The following HAUS8 variants were observed in gnomAD, a reference collection of about 807,000 sequenced individuals.
HAUS8 encodes the protein HAUS augmin-like complex subunit 8.
HAUS8 carries 38 observed loss-of-function variants against 42.9 expected under a neutral mutation model. That is an observed-to-expected ratio of 0.89 (90% CI 0.68 to 1.16). The LOEUF (loss-of-function observed/expected upper bound fraction) is 1.16, where lower values mean the gene tolerates loss of function less well. Ranked by LOEUF, HAUS8 falls within the 50% of genes most tolerant of loss-of-function variation. The pLI, the probability that HAUS8 is intolerant of heterozygous loss-of-function variation, is 0.00. For synonymous variants in HAUS8, 199 were observed against 205.8 expected, an observed-to-expected ratio of 0.97 and a Z score of 0.28; for missense variants, 494 against 511.6, an observed-to-expected ratio of 0.97 and a Z score of 0.33.
chr19:17,065,224 A>C (rs1385380686), intron 3 of HAUS8, among the ~76,000 whole-genome samples: 2 of 152,214 alleles, frequency 1.3e-5, no homozygotes, highest in Admixed American at 1.3e-4. Flanking sequence ...TGGGAACATA[A>C]AGATGGTGCA....
intron 6 of HAUS8, 82 bp from the exon 7 acceptor site, chr19:17,058,958 G>A: frequency 9.0e-7 from 1 of 1,114,658 alleles, no homozygotes; most frequent in Non-Finnish European, 1.3e-6. Context: ...GAGAACTCTG[G>A]CTTGTGTGGA....
intron 2 of HAUS8, among the ~76,000 whole-genome samples, chr19:17,070,724 G>A (rs544706612): frequency 2.1e-4 from 32 of 152,240 alleles, no homozygotes; most frequent in East Asian, 1.9e-3. Flanking sequence ...TCCTTCGCTC[G>A]CTGCTATGTT....
chr19:17,071,598 A>G (rs1003340699), intron 2 of HAUS8, among the ~76,000 whole-genome samples: 1 of 152,166 alleles, frequency 6.6e-6, no homozygotes, highest in African/African-American at 2.4e-5. Context: ...TAGCATCAGG[A>G]AACAGTTTTG....
At chr19:17,052,796 C>A (rs1382731708) in intron 10 of HAUS8, 29 bp downstream of exon 10, 2 of 1,613,936 alleles carry the variant, frequency 1.2e-6, no homozygotes, top group Non-Finnish European at 1.7e-6. Flanking sequence ...CAGGGTGCCA[C>A]CTCTTTCTTA....
chr19:17,064,111 T>C (rs2057375295), intron 3 of HAUS8, among the ~76,000 whole-genome samples: 1 of 152,138 alleles, frequency 6.6e-6, no homozygotes, highest in South Asian at 2.1e-4. Context: ...ATGAACAAGT[T>C]TGGAGATTGA....
In HAUS8 at chr19:17,060,052, C is replaced by A. The variant is rs375911796; in HGVS notation, c.270G>T (p.Thr90=). 6.2e-7 allele frequency: 1 copy of A among 1,613,634 alleles called. No homozygotes were observed. Among genetic ancestry groups the A allele is most frequent in the South Asian group, 1.1e-5 (1 of 91,064 alleles). The stretch of plus-strand genomic sequence containing the variant: ...GAGCTGTGCCATGCCCTTCCAGCAA[C>A]GTGGACTGCAGGTCACCCTTTCCGA... ...SGVGKGDLQS[T]LLEGHGTAPP... The change falls in exon 5 of 11, where the codon ACG becomes ACT. Residue 90 remains threonine (T), a synonymous_variant. Coordinates refer to ENST00000253669, the MANE Select transcript of HAUS8 (RefSeq NM_033417.2).
chr19:17,062,093 T>C (rs2057364276), intron 4 of HAUS8, among the ~76,000 whole-genome samples: 1 of 152,232 alleles, frequency 6.6e-6, no homozygotes, highest in Non-Finnish European at 1.5e-5. Flanking sequence ...TGGGGTTGTT[T>C]TTAATGTTAC....
At chr19:17,060,224 C>CAA in intron 4 of HAUS8, 132 bp from the exon 5 acceptor site, 6 of 207,330 alleles carry the variant, frequency 2.9e-5, no homozygotes, top group South Asian at 1.7e-4. Flanking sequence ...GGTGGAAAGG[C>CAA]TAAAAAAAAA....
At chr19:17,061,497 A>G (rs2057360654) in intron 4 of HAUS8, among the ~76,000 whole-genome samples, 1 of 152,210 alleles carries the variant, frequency 6.6e-6, no homozygotes, top group South Asian at 2.1e-4. Context: ...ATCAGCATGT[A>G]TAGCATTTGC....
chr19:17,071,827 T>C (rs139497713), intron 2 of HAUS8, among the ~76,000 whole-genome samples: 1,867 of 152,044 alleles, frequency 0.012, 18 homozygotes, highest in Non-Finnish European at 0.017. Flanking sequence ...TGAAACCCTG[T>C]CTCTACTAAA....
chr19:17,059,451 C>T, intron 6 of HAUS8, 106 bp downstream of exon 6: 1 of 754,970 alleles, frequency 1.3e-6, no homozygotes, highest in Non-Finnish European at 2.3e-6. Context: ...GCATGGGTGT[C>T]TTTTATGTTC....
At chr19:17,069,182 C>T in intron 2 of HAUS8, 96 bp from the exon 3 acceptor site, 1 of 1,034,038 alleles carries the variant, frequency 9.7e-7, no homozygotes, top group Non-Finnish European at 1.5e-6. Context: ...ATGCCAGGGG[C>T]CCTCTCCACT....
intron 3 of HAUS8, among the ~76,000 whole-genome samples, chr19:17,066,998 A>G (rs1232107835): frequency 6.6e-6 from 1 of 152,146 alleles, no homozygotes; most frequent in African/African-American, 2.4e-5. Flanking sequence ...TGAGGCCAGG[A>G]GTTCGAGACC....
intron 2 of HAUS8, 102 bp from the exon 3 acceptor site, chr19:17,069,188 C>A (rs1318729979): frequency 5.2e-6 from 5 of 968,054 alleles, no homozygotes; most frequent in Admixed American, 2.0e-5. Flanking sequence ...GGGGCCCTCT[C>A]CACTCAGTGA....
intron 3 of HAUS8, among the ~76,000 whole-genome samples, chr19:17,065,942 CAT>C (rs967860497): frequency 2.0e-5 from 3 of 150,212 alleles, no homozygotes; most frequent in Non-Finnish European, 3.0e-5. Flanking sequence ...GCCTTCCCCC[CAT>C]ATCTCACTCT....
rs2057460880 is a variant in HAUS8 at position 17,075,144 on chromosome 19, G to A, written c.29+250C>T. 20 of 552,742 alleles carry A rather than the reference G, an allele frequency of 3.6e-5. No individual in the cohort carries two copies. In the South Asian group the frequency reaches 4.3e-4, roughly 12 times the overall value. The allele number at this position is 552,742 out of a possible 1,614,324, so 34.2% of individuals were successfully genotyped here. ...CGTAGCGGAGGAAAGCGAGGCACTGGGCGGTCAGGCCGCTTGCCGGAGGTC... is the reference window on the plus strand; with the variant it reads ...CGTAGCGGAGGAAAGCGAGGCACTGAGCGGTCAGGCCGCTTGCCGGAGGTC... On this transcript the variant is annotated intron_variant, in intron 1 of 10. Transcript: ENST00000253669.
intron 9 of HAUS8, among the ~76,000 whole-genome samples, chr19:17,054,277 G>A (rs1312214707): frequency 2.6e-5 from 4 of 152,110 alleles, no homozygotes; most frequent in East Asian, 3.9e-4. Context: ...TCCCTAGGCC[G>A]TTCCCAGGAA....
In HAUS8 at chr19:17,059,550, C is replaced by T. The variant is rs1288798482; in HGVS notation, c.420+7G>A. The T allele has an allele frequency of 2.5e-6, 4 of 1,604,666 alleles. No homozygotes were observed. Among genetic ancestry groups the T allele is most frequent in the African/African-American group, 2.7e-5 (2 of 74,770 alleles). ...TCTGTGGCTGCCCTCTTCTTTCAGA[C>T]ACTTACCGGGCTCTTTTTCCGAGGG... On this transcript the variant is annotated splice_region_variant and intron_variant, in intron 6 of 10. Coordinates refer to ENST00000253669, the MANE Select transcript of HAUS8 (RefSeq NM_033417.2).
At position 17,049,815 on chromosome 19, in the gene HAUS8, T is replaced by A. The variant is rs1398407336; in HGVS notation, c.*58A>T. 8.1e-7 allele frequency: 1 copy of A among 1,227,938 alleles called. No individual in the cohort carries two copies. The highest frequency in any genetic ancestry group is 1.6e-5 in the African/African-American group (1 of 64,388). 76.1% of individuals were successfully genotyped at this position (1,227,938 alleles called of 1,614,324 possible). On this transcript the variant is annotated 3_prime_UTR_variant, in exon 11 of 11. Transcript: ENST00000253669. ...TCAAACAAGATTATCACATAAAAAA[T>A]AGCTACAGTGCTACGGTAGTATATA...
Sources: allele counts gnomAD v4.1 joint callset (sites outside exome capture counted in the v4.1 genomes callset), GRCh38; gene constraint gnomAD v4.1.1; transcripts MANE v1.5; gene names NCBI Gene and HGNC (gene_info 2026-07-23, HGNC 2026-07-21).